Variants in ZNF395 observed in about 807,000 individuals in gnomAD.
ZNF395 encodes the protein HD gene regulatory region-binding protein 2.
ZNF395 carries 20 observed loss-of-function variants against 57.7 expected under a neutral mutation model. That is an observed-to-expected ratio of 0.35 (90% CI 0.24 to 0.50). ZNF395 has a LOEUF of 0.50. Ranked by LOEUF, ZNF395 falls within the 20% of genes least tolerant of loss-of-function variation. The probability of loss-of-function intolerance (pLI) is 0.97; values close to 1 mark genes in which losing one functional copy is unlikely to be tolerated. For missense variants in ZNF395, 606 were observed against 671.2 expected, an observed-to-expected ratio of 0.90 and a Z score of 1.07; for synonymous variants, 295 against 275.9, an observed-to-expected ratio of 1.07 and a Z score of -0.69.
intron 7 of ZNF395, 115 bp from the exon 8 acceptor site, chr8:28,350,271 T>A: frequency 1.2e-6 from 1 of 867,518 alleles, no homozygotes; most frequent in South Asian, 1.6e-5. Context: ...GTAAGTGCAA[T>A]GACCAGAAAG....
At chr8:28,350,017 G>C in intron 8 of ZNF395, 47 bp downstream of exon 8, 1 of 1,499,070 alleles carries the variant, frequency 6.7e-7, no homozygotes, top group Non-Finnish European at 8.9e-7. Flanking sequence ...ATGTGTGGGA[G>C]AGCCCTCGGC....
At chr8:28,371,011 C>T (rs1801969735) in intron 1 of ZNF395, among the ~76,000 whole-genome samples, 1 of 152,232 alleles carries the variant, frequency 6.6e-6, no homozygotes, top group African/African-American at 2.4e-5. Context: ...ATTTCGCAGA[C>T]TGTGTCTCAT....
chr8:28,371,379 C>G (rs1332647856), intron 1 of ZNF395, among the ~76,000 whole-genome samples: 1 of 152,138 alleles, frequency 6.6e-6, no homozygotes, highest in African/African-American at 2.4e-5. Context: ...CAGGATTTCA[C>G]CATGTTGCCA....
rs138112087 is a variant in ZNF395 at position 28,350,178 on chromosome 8, G to A, written c.1234-22C>T. 1.9e-6 allele frequency: 3 copies of A among 1,582,494 alleles called. No homozygotes were observed. The East Asian group carries it at 6.8e-5, about 36-fold the overall frequency. Reference sequence around the variant, plus strand: ...GAGCCTGCGGAAGACGAGGGTGTCAGCCCGGATTCTAGCTCAGGAAGTGTT... The same window carrying A: ...GAGCCTGCGGAAGACGAGGGTGTCAACCCGGATTCTAGCTCAGGAAGTGTT... On this transcript the variant is annotated intron_variant, in intron 7 of 9. Transcript: ENST00000344423.
rs1211252560 is a variant in ZNF395, at chr8:28,368,444, G to A, written c.-58-7262C>T. 4 of 152,222 alleles carry A rather than the reference G, an allele frequency of 2.6e-5. No individual in the cohort carries two copies. In the East Asian group the frequency reaches 5.8e-4, roughly 22 times the overall value. The allele number at this position is 152,222 out of a possible 1,614,324, so 9.4% of individuals were successfully genotyped here. On this transcript the variant is annotated intron_variant, in intron 1 of 9. Coordinates refer to ENST00000344423, the MANE Select transcript of ZNF395 (RefSeq NM_018660.3). ...GAGCTGAGAACACAGGTTCAAAAAG[G>A]TCACCTATTTGTCCAAAATCCCAAA... is the stretch of plus-strand genomic sequence containing the variant.
chr8:28,364,323 GT>G (rs908033009), intron 1 of ZNF395, among the ~76,000 whole-genome samples: 3 of 152,050 alleles, frequency 2.0e-5, no homozygotes, highest in Non-Finnish European at 2.9e-5. Context: ...TCAACTTGGT[GT>G]TTTTTTCCCT....
chr8:28,349,167 T>A lies in ZNF395; in HGVS notation c.1388A>T (p.His463Leu). The change falls in exon 9 of 10, where the codon CAT (histidine) becomes CTT (leucine). Residue 463 changes from histidine (H) to leucine (L), a missense_variant. By Grantham distance (99) the His-to-Leu change is moderately conservative. Coordinates refer to ENST00000344423, the MANE Select transcript of ZNF395 (RefSeq NM_018660.3). ...PQQPAPAMKS[H>L]LIVTSPPRAQ... ...CCGGGGTGGAGAAGTGACGATCAGATGAGATTTCATCGCAGGTGCTGGCTG... is the reference window on the plus strand; with the variant it reads ...CCGGGGTGGAGAAGTGACGATCAGAAGAGATTTCATCGCAGGTGCTGGCTG... 1 of 1,563,410 alleles carries A rather than the reference T, an allele frequency of 6.4e-7. No individual in the cohort carries two copies. Among genetic ancestry groups the A allele is most frequent in the Non-Finnish European group, 8.7e-7 (1 of 1,155,008 alleles).
Position 28,366,154 on chromosome 8 carries a change from G to A in ZNF395, c.-58-4972C>T, listed in dbSNP as rs376637048. The stretch of plus-strand genomic sequence containing the variant: ...GAGTAAGACTCCTATTTGCAAAAGC[G>A]TGGGTGCTTGCTACTTCTCTAATGA... On this transcript the variant is annotated intron_variant, in intron 1 of 9. Transcript: ENST00000344423. Among the ~76,000 whole-genome samples, 71 of 152,280 alleles carry A rather than the reference G, an allele frequency of 4.7e-4. No individual in the cohort carries two copies. In the Middle Eastern group the frequency reaches 0.014, roughly 29 times the overall value.
chr8:28,351,193 G>A (rs1002856635), intron 7 of ZNF395, among the ~76,000 whole-genome samples: 2 of 152,126 alleles, frequency 1.3e-5, no homozygotes, highest in Non-Finnish European at 1.5e-5. Context: ...CCAACTACAC[G>A]ACTCCATCCT....
At chr8:28,349,047 C>A in intron 9 of ZNF395, 78 bp downstream of exon 9, 1 of 1,413,678 alleles carries the variant, frequency 7.1e-7, no homozygotes, top group Non-Finnish European at 9.7e-7. Context: ...GTGACTTCAT[C>A]TGGGTGGGGT....
intron 1 of ZNF395, among the ~76,000 whole-genome samples, chr8:28,378,917 T>C (rs1238984237): frequency 1.3e-5 from 2 of 152,226 alleles, no homozygotes; most frequent in Admixed American, 1.3e-4. Context: ...CATATTGAAC[T>C]GAAATCTGCT....
chr8:28,354,553 G>A (rs1585852805), intron 4 of ZNF395, among the ~76,000 whole-genome samples: 1 of 152,024 alleles, frequency 6.6e-6, no homozygotes, highest in African/African-American at 2.4e-5. Context: ...CCCGGCACAG[G>A]CTCCCATCTT....
At chr8:28,376,379 G>T (rs1196777844) in intron 1 of ZNF395, among the ~76,000 whole-genome samples, 3 of 152,068 alleles carry the variant, frequency 2.0e-5, no homozygotes, top group Non-Finnish European at 4.4e-5. Context: ...CAGCACTTTG[G>T]GAGGCTGAGG....
chr8:28,365,535 G>A (rs550523189), intron 1 of ZNF395: 3 of 152,248 alleles, frequency 2.0e-5, no homozygotes, highest in Non-Finnish European at 2.9e-5. Flanking sequence ...ACCTATTTCC[G>A]GGTAACAATA....
intron 1 of ZNF395, among the ~76,000 whole-genome samples, chr8:28,376,602 C>T (rs1445579273): frequency 6.6e-6 from 1 of 151,914 alleles, no homozygotes; most frequent in African/African-American, 2.4e-5. Flanking sequence ...GCCTGGGCAA[C>T]AGAGCAAGAC....
chr8:28,348,858 GC>G (rs748890151), intron 9 of ZNF395, 28 bp from the exon 10 acceptor site: 1 of 1,609,998 alleles, frequency 6.2e-7, no homozygotes, highest in Non-Finnish European at 8.5e-7. Flanking sequence ...TGCAAATCGA[GC>G]CCCACACAGG....
intron 4 of ZNF395, among the ~76,000 whole-genome samples, chr8:28,356,000 C>T (rs1166461113): frequency 6.6e-6 from 1 of 152,212 alleles, no homozygotes; most frequent in African/African-American, 2.4e-5. Context: ...GTAGGGTAGG[C>T]CAGCCCTGCC....
chr8:28,364,603 G>T (rs1001552313), intron 1 of ZNF395, among the ~76,000 whole-genome samples: 2 of 147,636 alleles, frequency 1.4e-5, no homozygotes, highest in African/African-American at 5.0e-5. Flanking sequence ...GCAGTGAGCT[G>T]AGATCGCACC....
chr8:28,360,532 T>G (rs913988299), intron 2 of ZNF395, among the ~76,000 whole-genome samples: 1 of 152,262 alleles, frequency 6.6e-6, no homozygotes, highest in Non-Finnish European at 1.5e-5. Context: ...TGTTCTCTGA[T>G]TCTCATAAGC....
Sources: allele counts gnomAD v4.1 joint callset (sites outside exome capture counted in the v4.1 genomes callset), GRCh38; gene constraint gnomAD v4.1.1; transcripts MANE v1.5; gene names NCBI Gene and HGNC (gene_info 2026-07-23, HGNC 2026-07-21).